The following MED15 variants were observed in gnomAD, a reference collection of about 807,000 sequenced individuals.
MED15 encodes the protein mediator complex subunit 15, also known as mediator of RNA polymerase II transcription subunit 15.
In MED15, 41 loss-of-function variants were observed where a neutral mutation model predicts 118.7. That is an observed-to-expected ratio of 0.35 (90% CI 0.27 to 0.45). The LOEUF is 0.45. Ranked by LOEUF, MED15 falls within the 20% of genes least tolerant of loss-of-function variation. The pLI is 1.00. For synonymous variants in MED15, 436 were observed against 413.9 expected, an observed-to-expected ratio of 1.05 and a Z score of -0.65; for missense variants, 740 against 1,025.5, an observed-to-expected ratio of 0.72 and a Z score of 3.80.
Position 20,583,318 on chromosome 22 carries a change from C to T in MED15, c.1673-12C>T, listed in dbSNP as rs56107693. On this transcript the variant is annotated splice_polypyrimidine_tract_variant and intron_variant, in intron 12 of 17. Transcript: ENST00000263205. Reference sequence around the variant, plus strand: ...AGGCTTGTGTCTTAGTGTGTACCCTCTTCTGTCCCAGACAGAAAAAAGGAC... The same window carrying T: ...AGGCTTGTGTCTTAGTGTGTACCCTTTTCTGTCCCAGACAGAAAAAAGGAC... The T allele has an allele frequency of 1.6e-5, 26 of 1,613,448 alleles. No homozygotes were observed. The highest frequency in any genetic ancestry group is 2.2e-5 in the Non-Finnish European group (26 of 1,179,988).
chr22:20,558,082 G>A (rs925513944), intron 5 of MED15, among the ~76,000 whole-genome samples: 3 of 152,164 alleles, frequency 2.0e-5, no homozygotes, highest in Admixed American at 6.5e-5. Flanking sequence ...TCCAGCCTGG[G>A]CAACAGAGCG....
At chr22:20,535,031 C>T (rs755192144) in intron 1 of MED15, among the ~76,000 whole-genome samples, 2 of 152,292 alleles carry the variant, frequency 1.3e-5, no homozygotes, top group South Asian at 2.1e-4. Context: ...CATCTTGGCT[C>T]ACTGCAACCT....
chr22:20,525,621 C>G (rs1399939391), intron 1 of MED15, among the ~76,000 whole-genome samples: 1 of 150,272 alleles, frequency 6.7e-6, no homozygotes. Flanking sequence ...ACTGCAAACT[C>G]CACCTCCCGG....
chr22:20,528,051 A>G (rs2054721330), intron 1 of MED15, among the ~76,000 whole-genome samples: 1 of 151,706 alleles, frequency 6.6e-6, no homozygotes, highest in African/African-American at 2.4e-5. Flanking sequence ...GAACCACTGC[A>G]CCTGGCCTAA....
intron 2 of MED15, among the ~76,000 whole-genome samples, chr22:20,539,470 A>G (rs2055206381): frequency 6.6e-6 from 1 of 152,206 alleles, no homozygotes; most frequent in Non-Finnish European, 1.5e-5. Context: ...CACATATTTT[A>G]TAGCCATTCG....
intron 1 of MED15, chr22:20,508,114 TC>T (rs2053934858): frequency 8.0e-7 from 1 of 1,255,688 alleles, no homozygotes; most frequent in Non-Finnish European, 1.0e-6. Context: ...GCTGGGTGCT[TC>T]ATGGTTTCTC....
chr22:20,557,528 G>A (rs552930866), intron 5 of MED15, among the ~76,000 whole-genome samples: 7 of 152,130 alleles, frequency 4.6e-5, no homozygotes, highest in African/African-American at 1.2e-4. Context: ...CAGAAGTGCC[G>A]GCTCAAGTTC....
intron 1 of MED15, among the ~76,000 whole-genome samples, chr22:20,517,152 G>C: frequency 6.6e-6 from 1 of 151,408 alleles, no homozygotes; most frequent in South Asian, 2.1e-4. Flanking sequence ...TGCCCAGGCT[G>C]GTCTTGAACT....
chr22:20,574,874 G>T, intron 8 of MED15: 1 of 558,980 alleles, frequency 1.8e-6, no homozygotes. Flanking sequence ...CAGTAGAACA[G>T]AAAGGTCTGG....
chr22:20,523,230 A>G (rs2054522720), intron 1 of MED15, among the ~76,000 whole-genome samples: 1 of 152,118 alleles, frequency 6.6e-6, no homozygotes, highest in Non-Finnish European at 1.5e-5. Flanking sequence ...CCCATGGCTT[A>G]GGTTGTGTTC....
chr22:20,543,521 A>T lies in MED15; in HGVS notation c.156+6317A>T, dbSNP rs560210001. Among the ~76,000 whole-genome samples the T allele has an allele frequency of 5.8e-4, 84 of 144,022 alleles. 2 individuals carry two copies. Among genetic ancestry groups the T allele is most frequent in the Admixed American group, 6.4e-4 (9 of 14,006 alleles). The allele number at this position is 144,022 out of a possible 152,430, so 94.5% of individuals were successfully genotyped here. On this transcript the variant is annotated intron_variant, in intron 2 of 17. Coordinates refer to ENST00000263205, the MANE Select transcript of MED15 (RefSeq NM_001003891.3). ...GCCACCATGCCCGGCCTCCTCTTGC[A>T]TTTTACTACAAGCAGAAAGAAGAAA...
chr22:20,567,558 A>T (rs968681632), intron 7 of MED15, among the ~76,000 whole-genome samples: 1 of 152,138 alleles, frequency 6.6e-6, no homozygotes, highest in Non-Finnish European at 1.5e-5. Context: ...TGAGGAGCAG[A>T]TATGCTCACT....
intron 9 of MED15, among the ~76,000 whole-genome samples, chr22:20,581,663 G>A (rs1387004381): frequency 6.6e-6 from 1 of 152,158 alleles, no homozygotes; most frequent in Non-Finnish European, 1.5e-5. Flanking sequence ...GCCCAGGGCT[G>A]GCAGGCAGCT....
At chr22:20,570,746 C>CTTTTTTTTTTTTTTTTT (rs61109389) in intron 8 of MED15, among the ~76,000 whole-genome samples, 9 of 62,068 alleles carry the variant, frequency 1.5e-4, no homozygotes, top group Admixed American at 5.1e-4. Context: ...TTCTTTCTTT[C>CTTTTTTTTTTTTTTTTT]TTTTTTTTTT....
At chr22:20,578,336 G>C (rs1345820983) in intron 9 of MED15, among the ~76,000 whole-genome samples, 2 of 152,202 alleles carry the variant, frequency 1.3e-5, no homozygotes, top group Non-Finnish European at 2.9e-5. Context: ...TGGAGTGGAA[G>C]CCTCCCTACT....
intron 1 of MED15, among the ~76,000 whole-genome samples, chr22:20,514,459 G>C (rs927879462): frequency 6.6e-6 from 1 of 152,096 alleles, no homozygotes; most frequent in Non-Finnish European, 1.5e-5. Flanking sequence ...TCCTATTCTT[G>C]AGACTTTTAT....
At chr22:20,528,223 G>C (rs921921207) in intron 1 of MED15, among the ~76,000 whole-genome samples, 1 of 152,134 alleles carries the variant, frequency 6.6e-6, no homozygotes, top group Non-Finnish European at 1.5e-5. Flanking sequence ...CCAGCACGTG[G>C]AGCTTGTCGA....
At chr22:20,581,971 G>A (rs543929574) in intron 9 of MED15, 7 of 152,972 alleles carry the variant, frequency 4.6e-5, no homozygotes, top group South Asian at 2.0e-4. Flanking sequence ...TGAGTAGCTC[G>A]CCTCTCCCAG....
intron 8 of MED15, among the ~76,000 whole-genome samples, chr22:20,570,746 C>CTTTCTTTTTT (rs1569236484): frequency 1.6e-5 from 1 of 62,068 alleles, no homozygotes; most frequent in African/African-American, 7.3e-5. Context: ...TTCTTTCTTT[C>CTTTCTTTTTT]TTTTTTTTTT....
Sources: allele counts gnomAD v4.1 joint callset (sites outside exome capture counted in the v4.1 genomes callset), GRCh38; gene constraint gnomAD v4.1.1; transcripts MANE v1.5; gene names NCBI Gene and HGNC (gene_info 2026-07-23, HGNC 2026-07-21).